Variants in CORO2A observed in about 807,000 individuals in gnomAD.
CORO2A encodes the protein coronin-2A.
CORO2A carries 47 observed loss-of-function variants against 62.4 expected under a neutral mutation model. That is an observed-to-expected ratio of 0.75 (90% CI 0.60 to 0.96). The LOEUF is 0.96. Among genes scored for constraint, CORO2A ranks in the 40% least tolerant of loss-of-function variants. The pLI is 0.00. For synonymous variants in CORO2A, 273 were observed against 268.9 expected, an observed-to-expected ratio of 1.02 and a Z score of -0.15; for missense variants, 610 against 684.1, an observed-to-expected ratio of 0.89 and a Z score of 1.21.
chr9:98,156,336 G>A (rs1046331246), intron 2 of CORO2A, among the ~76,000 whole-genome samples: 5 of 152,058 alleles, frequency 3.3e-5, no homozygotes, highest in African/African-American at 7.2e-5. Flanking sequence ...CACTGTACCC[G>A]GCTCTAACTT....
At chr9:98,128,472 A>G in intron 9 of CORO2A, 135 bp downstream of exon 9, 2 of 821,456 alleles carry the variant, frequency 2.4e-6, no homozygotes, top group Admixed American at 4.3e-5. Flanking sequence ...CTGATGTCAC[A>G]CTGGCTGTGA....
chr9:98,164,680 C>T (rs1827934996), intron 1 of CORO2A, among the ~76,000 whole-genome samples: 1 of 152,216 alleles, frequency 6.6e-6, no homozygotes, highest in Admixed American at 6.5e-5. Context: ...TTAACTTTTG[C>T]CTTGCACCGG....
rs1488935307 is a variant in CORO2A at position 98,156,453 on chromosome 9, G to A, written c.201+1007C>T. ...GCCCCACTTTCCCTACATCTCGTAA[G>A]TTTTGTGATATATTTCATTTTATCA... On this transcript the variant is annotated intron_variant, in intron 2 of 11. Coordinates refer to ENST00000375077, the MANE Select transcript of CORO2A (RefSeq NM_052820.4). Among the ~76,000 whole-genome samples, 4 of 152,272 alleles carry A rather than the reference G, an allele frequency of 2.6e-5. No individual in the cohort carries two copies. In the East Asian group the frequency reaches 7.7e-4, roughly 29 times the overall value.
At chr9:98,152,669 C>G (rs1355411834) in intron 2 of CORO2A, among the ~76,000 whole-genome samples, 2 of 152,136 alleles carry the variant, frequency 1.3e-5, no homozygotes, top group Non-Finnish European at 2.9e-5. Flanking sequence ...AATAATGTGA[C>G]AAACTGACAT....
intron 1 of CORO2A, among the ~76,000 whole-genome samples, chr9:98,183,473 T>C (rs993211759): frequency 1.3e-5 from 2 of 152,244 alleles, no homozygotes; most frequent in African/African-American, 4.8e-5. Flanking sequence ...ACTTCATCCC[T>C]GCAGCCTGCT....
In CORO2A at chr9:98,126,760, T is replaced by C. The variant is rs1564198892; in HGVS notation, c.1235A>G (p.Glu412Gly). Residue 412 changes from glutamate to glycine, a missense_variant, in exon 11 of 12, where the codon GAG becomes GGG. Coordinates refer to ENST00000375077, the MANE Select transcript of CORO2A (RefSeq NM_052820.4). ...ELLRPHPLPA[E>G]RPIFNSMAPA... ...GGCCATGGAATTGAAGATAGGTCTC[T>C]CTGCAGGCAGTGGGTGGGGTCTCAG... The C allele has an allele frequency of 6.2e-7, 1 of 1,614,076 alleles. No homozygotes were observed. Among genetic ancestry groups the C allele is most frequent in the Non-Finnish European group, 8.5e-7 (1 of 1,180,050 alleles).
rs760955757 is a variant in CORO2A, at chr9:98,128,693, C to T, written c.994G>A (p.Val332Met). Residue 332 changes from valine to methionine, a missense_variant, in exon 9 of 12, where the codon GTG (valine) becomes ATG (methionine). Transcript: ENST00000375077. ...IGVMPKRGLD[V>M]SSCEIFRFYK... ...AAGCGGAAGATCTCGCAGGAGGACACGTCGAGTCCTCTCTTTGGCATGACA... is the reference window on the plus strand; with the variant it reads ...AAGCGGAAGATCTCGCAGGAGGACATGTCGAGTCCTCTCTTTGGCATGACA... 8.1e-6 allele frequency: 13 copies of T among 1,614,176 alleles called. No homozygotes were observed. Among genetic ancestry groups the T allele is most frequent in the East Asian group, 2.2e-5 (1 of 44,874 alleles).
intron 9 of CORO2A, 92 bp downstream of exon 9, chr9:98,128,515 G>T: frequency 8.7e-7 from 1 of 1,153,468 alleles, no homozygotes; most frequent in South Asian, 1.2e-5. Flanking sequence ...CCATGAACGT[G>T]GGCTCCAGGC....
At chr9:98,161,600 G>A (rs954850186) in intron 1 of CORO2A, among the ~76,000 whole-genome samples, 49 of 152,144 alleles carry the variant, frequency 3.2e-4, no homozygotes, top group African/African-American at 1.1e-3. Context: ...GGGAGATAGA[G>A]GACCAGATTT....
At chr9:98,168,114 GT>G (rs1349220262) in intron 1 of CORO2A, among the ~76,000 whole-genome samples, 3 of 152,208 alleles carry the variant, frequency 2.0e-5, no homozygotes, top group Non-Finnish European at 4.4e-5. Context: ...CTAAATTAAA[GT>G]TAAAATTAAA....
intron 2 of CORO2A, among the ~76,000 whole-genome samples, chr9:98,156,950 A>C (rs1324592917): frequency 6.6e-6 from 1 of 152,194 alleles, no homozygotes; most frequent in Non-Finnish European, 1.5e-5. Flanking sequence ...AGGTTGATCT[A>C]TGTGAAAATG....
intron 10 of CORO2A, 156 bp from the exon 11 acceptor site, chr9:98,126,979 C>T (rs1455305863): frequency 1.3e-6 from 1 of 787,458 alleles, no homozygotes; most frequent in Admixed American, 2.6e-5. Context: ...CAGGCCCAAA[C>T]CCACAGAGCA....
chr9:98,179,587 G>A (rs1294058941), intron 1 of CORO2A, among the ~76,000 whole-genome samples: 1 of 152,140 alleles, frequency 6.6e-6, no homozygotes, highest in African/African-American at 2.4e-5. Flanking sequence ...CCAAGGTGTG[G>A]CCCAGGAGTA....
chr9:98,138,107 G>T (rs1308824256), intron 2 of CORO2A, among the ~76,000 whole-genome samples: 1 of 152,110 alleles, frequency 6.6e-6, no homozygotes, highest in Non-Finnish European at 1.5e-5. Flanking sequence ...CCACTCCTAG[G>T]TCTATCTCCA....
At chr9:98,125,355 C>T (rs534588442) in intron 11 of CORO2A, among the ~76,000 whole-genome samples, 3 of 152,286 alleles carry the variant, frequency 2.0e-5, no homozygotes, top group African/African-American at 7.2e-5. Context: ...CGTTGTGACA[C>T]CCCTATAAGG....
intron 1 of CORO2A, among the ~76,000 whole-genome samples, chr9:98,165,292 G>A (rs1050351310): frequency 3.9e-5 from 6 of 152,204 alleles, no homozygotes; most frequent in Non-Finnish European, 8.8e-5. Context: ...ATTCCTGGTA[G>A]CCCTGACTTT....
intron 2 of CORO2A, among the ~76,000 whole-genome samples, chr9:98,152,141 T>TG (rs1827734895): frequency 6.6e-6 from 1 of 151,318 alleles, no homozygotes; most frequent in African/African-American, 2.4e-5. Context: ...TTTTTTTTGT[T>TG]TTTTCTTTAA....
In CORO2A at chr9:98,122,655, C is replaced by T. The variant is rs765128828; in HGVS notation, c.*2119G>A. The T allele has an allele frequency of 3.3e-5, 5 of 152,178 alleles. No individual in the cohort carries two copies. Among genetic ancestry groups the T allele is most frequent in the African/African-American group, 4.8e-5 (2 of 41,438 alleles). 9.4% of individuals were successfully genotyped at this position (152,178 alleles called of 1,614,324 possible). A position where few individuals can be genotyped will look rare whatever the true frequency, so the allele number is the denominator to read the frequency against. ...ACCATCTGGTACTACTTCTTTACCT[C>T]GTATAGTCATTTCAGAAGACCTCCT... is the stretch of plus-strand genomic sequence containing the variant. On this transcript the variant is annotated 3_prime_UTR_variant, in exon 12 of 12. Transcript: ENST00000375077.
intron 1 of CORO2A, among the ~76,000 whole-genome samples, chr9:98,167,884 C>G (rs1249610473): frequency 6.6e-6 from 1 of 152,202 alleles, no homozygotes; most frequent in Non-Finnish European, 1.5e-5. Flanking sequence ...ATGAAACAGG[C>G]TGCTGATGGC....
Sources: gnomAD v4.1 joint callset for allele counts (sites outside exome capture counted in the v4.1 genomes callset) on GRCh38, gnomAD v4.1.1 for gene constraint, MANE v1.5 for transcripts, NCBI Gene and HGNC (gene_info 2026-07-23, HGNC 2026-07-21) for gene names.